OPRPN: variants seen among roughly 807,000 people sequenced by gnomAD.
OPRPN encodes the protein basic proline-rich lacrimal protein.
In OPRPN, 1 loss-of-function variant was observed where a neutral mutation model predicts 2.2. The ratio of observed to expected loss-of-function variants is 0.45; its 90% CI spans 0.16 to 2.15. OPRPN has a LOEUF of 2.15. OPRPN is among the 30% of genes most tolerant of loss of function. The pLI is 0.28. For synonymous variants in OPRPN, 126 were observed against 111.5 expected, an observed-to-expected ratio of 1.13 and a Z score of -0.82; for missense variants, 306 against 297.3, an observed-to-expected ratio of 1.03 and a Z score of -0.21.
chr4:70,398,650 TA>T (rs1678399012), intron 1 of OPRPN, among the ~76,000 whole-genome samples: 3 of 151,812 alleles, frequency 2.0e-5, no homozygotes, highest in Admixed American at 6.6e-5. Context: ...CAAATTAGGA[TA>T]AAAACATCTT....
In OPRPN at chr4:70,410,165, C is replaced by G; in HGVS notation, c.*90C>G. 1 of 913,854 alleles carries G rather than the reference C, an allele frequency of 1.1e-6. No individual in the cohort carries two copies. The highest frequency in any genetic ancestry group is 1.6e-6 in the Non-Finnish European group (1 of 636,216). 56.6% of individuals were successfully genotyped at this position (913,854 alleles called of 1,614,324 possible). A position where few individuals can be genotyped will look rare whatever the true frequency, so the allele number is the denominator to read the frequency against. ...TTGATGGAACCAACCCTGATCTAAC[C>G]AGCACACTAAATAAAGTATTTGAGC... On this transcript the variant is annotated 3_prime_UTR_variant, in exon 3 of 3. Coordinates refer to ENST00000399575, the MANE Select transcript of OPRPN (RefSeq NM_021225.5).
intron 1 of OPRPN, among the ~76,000 whole-genome samples, chr4:70,398,523 T>C (rs1434625456): frequency 2.6e-5 from 4 of 151,876 alleles, no homozygotes. Context: ...TCAAGGCTAA[T>C]GCCAATGACA....
At position 70,409,796 on chromosome 4, in the gene OPRPN, T is replaced by TC. The variant is rs1560534968; in HGVS notation, c.474dup (p.Thr159HisfsTer44). Reference sequence around the variant, plus strand: ...CCGCAGATACAACAATCACCACAAATCCCCCCACCACTGCAACAGCAACCA... The same window carrying TC: ...CCGCAGATACAACAATCACCACAAATCCCCCCCACCACTGCAACAGCAACCA... On this transcript the variant is annotated frameshift_variant, in exon 3 of 3. Transcript: ENST00000399575. LOFTEE classifies it low-confidence loss of function (END_TRUNC). The TC allele has an allele frequency of 6.2e-7, 1 of 1,609,418 alleles. No individual in the cohort carries two copies. Among genetic ancestry groups the TC allele is most frequent in the Admixed American group, 1.7e-5 (1 of 59,556 alleles).
rs1484628796 is a variant in OPRPN, at chr4:70,409,519, C to T, written c.191C>T (p.Pro64Leu). ...DSRLNSPLSL[P>L]FVPGRVPPSS... ...AGACTTAATTCACCACTTTCTCTTC[C>T]CTTTGTCCCAGGGCGAGTTCCACCA... Residue 64 changes from proline (P) to leucine (L), a missense_variant, in exon 3 of 3, where the codon CCC becomes CTC. Coordinates refer to ENST00000399575, the MANE Select transcript of OPRPN (RefSeq NM_021225.5). The T allele has an allele frequency of 6.2e-7, 1 of 1,613,898 alleles. No homozygotes were observed. The highest frequency in any genetic ancestry group is 8.5e-7 in the Non-Finnish European group (1 of 1,179,968).
Position 70,403,259 on chromosome 4 carries a change from A to C in OPRPN, c.51+3923A>C, listed in dbSNP as rs184255279. ...CAGGAGTTGACAAACTTTTCTGAAA[A>C]GGGCCAGATAACAAATATTGTAGGC... On this transcript the variant is annotated intron_variant, in intron 2 of 2. Transcript: ENST00000399575. Among the ~76,000 whole-genome samples the C allele has an allele frequency of 4.5e-3, 681 of 152,310 alleles. 7 individuals carry two copies. Among genetic ancestry groups the C allele is most frequent in the African/African-American group, 0.016 (657 of 41,568 alleles).
chr4:70,398,115 C>T (rs1035421023), intron 1 of OPRPN, 75 bp downstream of exon 1: 2 of 151,726 alleles, frequency 1.3e-5, no homozygotes, highest in African/African-American at 2.4e-5. Context: ...TCAAGAATAT[C>T]ATCCTCATGG....
In OPRPN at chr4:70,399,291, A is replaced by G. The variant is rs765593530; in HGVS notation, c.6A>G (p.Lys2=). 3 of 1,602,732 alleles carry G rather than the reference A, an allele frequency of 1.9e-6. No homozygotes were observed. The highest frequency in any genetic ancestry group is 2.2e-5 in the South Asian group (2 of 90,288). Residue 2 remains lysine (K), a synonymous_variant, in exon 2 of 3, where the codon AAA becomes AAG. Coordinates refer to ENST00000399575, the MANE Select transcript of OPRPN (RefSeq NM_021225.5). ...TGTAGGAGCAACTTTAAAGAATGAA[A>G]TTAACTTTCTTCTTGGGCCTGTTGG... M[K]LTFFLGLLAL... is the part of the protein sequence containing the mutation.
intron 2 of OPRPN, among the ~76,000 whole-genome samples, chr4:70,407,028 G>A (rs1197185806): frequency 6.6e-6 from 1 of 152,080 alleles, no homozygotes; most frequent in Non-Finnish European, 1.5e-5. Context: ...TGGCAACCCT[G>A]CTTTTCTCTG....
At chr4:70,403,699 A>G (rs889417255) in intron 2 of OPRPN, among the ~76,000 whole-genome samples, 2 of 152,188 alleles carry the variant, frequency 1.3e-5, no homozygotes, top group African/African-American at 4.8e-5. Flanking sequence ...GAGAGGTTAC[A>G]TAACTTACCC....
chr4:70,407,635 T>C (rs1387647758), intron 2 of OPRPN, among the ~76,000 whole-genome samples: 3 of 152,106 alleles, frequency 2.0e-5, no homozygotes, highest in African/African-American at 4.8e-5. Flanking sequence ...AGAGATAAAC[T>C]AATAAAGAAA....
intron 2 of OPRPN, among the ~76,000 whole-genome samples, chr4:70,403,857 C>T (rs981389302): frequency 3.9e-5 from 6 of 152,056 alleles, no homozygotes; most frequent in Admixed American, 3.9e-4. Context: ...TACACTAGAT[C>T]CCATCCTCTC....
At chr4:70,401,145 C>T (rs1432108227) in intron 2 of OPRPN, among the ~76,000 whole-genome samples, 1 of 151,986 alleles carries the variant, frequency 6.6e-6, no homozygotes, top group African/African-American at 2.4e-5. Flanking sequence ...AACTTAAATT[C>T]TTTTCTACCT....
intron 2 of OPRPN, among the ~76,000 whole-genome samples, chr4:70,403,441 C>A (rs1436248980): frequency 2.6e-5 from 4 of 152,154 alleles, no homozygotes; most frequent in African/African-American, 9.7e-5. Context: ...TCCCAGTCTA[C>A]AGAGACAGTG....
chr4:70,399,353 C>T lies in OPRPN; in HGVS notation c.51+17C>T. 6.4e-7 allele frequency: 1 copy of T among 1,556,008 alleles called. No homozygotes were observed. The highest frequency in any genetic ancestry group is 8.8e-7 in the Non-Finnish European group (1 of 1,131,156). ...TGTTTCACAGTAAGTTCCCTCAATT[C>T]TAAATTTACTTGTTATATTTATTGT... is the stretch of plus-strand genomic sequence containing the variant. On this transcript the variant is annotated intron_variant, in intron 2 of 2. Transcript: ENST00000399575.
At position 70,410,102 on chromosome 4, in the gene OPRPN, C is replaced by T; in HGVS notation, c.*27C>T. 1 of 1,472,216 alleles carries T rather than the reference C, an allele frequency of 6.8e-7. No homozygotes were observed. Among genetic ancestry groups the T allele is most frequent in the Middle Eastern group, 1.8e-4 (1 of 5,522 alleles). 91.2% of individuals were successfully genotyped at this position (1,472,216 alleles called of 1,614,324 possible). A position where few individuals can be genotyped will look rare whatever the true frequency, so the allele number is the denominator to read the frequency against. On this transcript the variant is annotated 3_prime_UTR_variant, in exon 3 of 3. Transcript: ENST00000399575. Reference sequence around the variant, plus strand: ...CATGCAATAAATGATATTTTCCAAACTGCTCTGATATCTTAGAAGAAATAA... The same window carrying T: ...CATGCAATAAATGATATTTTCCAAATTGCTCTGATATCTTAGAAGAAATAA...
intron 2 of OPRPN, 71 bp from the exon 3 acceptor site, chr4:70,409,309 A>T: frequency 8.3e-7 from 1 of 1,205,422 alleles, no homozygotes; most frequent in Non-Finnish European, 1.2e-6. Flanking sequence ...TACATAGTAT[A>T]TCCTAATGTT....
chr4:70,402,305 G>C (rs1560532690), intron 2 of OPRPN, among the ~76,000 whole-genome samples: 2 of 152,058 alleles, frequency 1.3e-5, no homozygotes, highest in African/African-American at 4.8e-5. Context: ...ATAACATTTT[G>C]AGTAACAAGG....
chr4:70,403,834 AC>A (rs1733029943), intron 2 of OPRPN, among the ~76,000 whole-genome samples: 1 of 151,938 alleles, frequency 6.6e-6, no homozygotes, highest in Non-Finnish European at 1.5e-5. Context: ...TCTAAGACCA[AC>A]CCCTCAACTT....
At position 70,409,687 on chromosome 4, in the gene OPRPN, T is replaced by G; in HGVS notation, c.359T>G (p.Leu120Ter). 1 of 1,613,802 alleles carries G rather than the reference T, an allele frequency of 6.2e-7. No homozygotes were observed. The highest frequency in any genetic ancestry group is 8.5e-7 in the Non-Finnish European group (1 of 1,179,808). Reference sequence around the variant, plus strand: ...TACTATGTAGGACCTATTAGGATATTAAAACCCCCATTTCCTCCTATTCCT... The same window carrying G: ...TACTATGTAGGACCTATTAGGATATGAAAACCCCCATTTCCTCCTATTCCT... The part of the protein sequence containing the change: ...RPYYVGPIRI[L>*]KPPFPPIPFF... The change falls in exon 3 of 3, where the codon TTA becomes TGA. Residue 120 changes from leucine to a stop codon, truncating the protein, a stop_gained. Transcript: ENST00000399575. LOFTEE classifies it low-confidence loss of function (END_TRUNC).
Sources: gnomAD v4.1 joint callset for allele counts (sites outside exome capture counted in the v4.1 genomes callset) on GRCh38, gnomAD v4.1.1 for gene constraint, MANE v1.5 for transcripts, NCBI Gene and HGNC (gene_info 2026-07-23, HGNC 2026-07-21) for gene names.